Variants in POFUT3 observed in about 807,000 individuals in gnomAD.
The protein encoded by POFUT3 is GDP-fucose protein O-fucosyltransferase 3.
the POFUT3 span, among the ~76,000 whole-genome samples, chr8:33,455,231 C>T: frequency 6.6e-6 from 1 of 152,124 alleles, no homozygotes; most frequent in Admixed American, 6.6e-5. Context: ...CCACTTAGAA[C>T]CACATTTTTA....
the POFUT3 span, among the ~76,000 whole-genome samples, chr8:33,397,556 C>G: frequency 6.6e-6 from 1 of 152,288 alleles, no homozygotes; most frequent in Admixed American, 6.5e-5. Context: ...CTCAGGGAAA[C>G]AGGGGCTGAG....
the POFUT3 span, among the ~76,000 whole-genome samples, chr8:33,432,809 A>G: frequency 3.3e-5 from 5 of 152,342 alleles, no homozygotes; most frequent in Non-Finnish European, 5.9e-5. Context: ...CTAATTCCAC[A>G]TGCATTTTTT....
the POFUT3 span, among the ~76,000 whole-genome samples, chr8:33,343,014 G>A: frequency 4.0e-5 from 6 of 151,854 alleles, no homozygotes; most frequent in African/African-American, 1.5e-4. Flanking sequence ...GGCTGAGGCA[G>A]GAGAATCGCT....
At chr8:33,318,490 ACATATAT>A in the POFUT3 span, among the ~76,000 whole-genome samples, 1 of 125,868 alleles carries the variant, frequency 7.9e-6, no homozygotes. Context: ...TATATAATGT[ACATATAT>A]TATAATATAA....
chr8:33,446,420 G>A, the POFUT3 span, among the ~76,000 whole-genome samples: 2 of 149,188 alleles, frequency 1.3e-5, no homozygotes, highest in South Asian at 2.1e-4. Context: ...TCACACCACT[G>A]CACTCCAGCC....
At chr8:33,378,613 A>G in the POFUT3 span, among the ~76,000 whole-genome samples, 1 of 152,202 alleles carries the variant, frequency 6.6e-6, no homozygotes, top group Admixed American at 6.5e-5. Flanking sequence ...CTGCTAAGGA[A>G]TGAATAACAG....
the POFUT3 span, among the ~76,000 whole-genome samples, chr8:33,353,918 C>T: frequency 6.6e-6 from 1 of 152,282 alleles, no homozygotes; most frequent in South Asian, 2.1e-4. Flanking sequence ...TAGAAAGCCT[C>T]TTTTTCTGGA....
the POFUT3 span, among the ~76,000 whole-genome samples, chr8:33,369,063 G>A: frequency 2.6e-5 from 4 of 152,090 alleles, no homozygotes; most frequent in Non-Finnish European, 4.4e-5. Context: ...TATCATCAAC[G>A]ATTCCCTTTT....
At chr8:33,419,591 G>A in the POFUT3 span, among the ~76,000 whole-genome samples, 10 of 152,140 alleles carry the variant, frequency 6.6e-5, no homozygotes, top group South Asian at 2.1e-4. Flanking sequence ...AGGCCCTGAC[G>A]TTGGGAACCC....
chr8:33,432,268 GGCATGAT>G, the POFUT3 span, among the ~76,000 whole-genome samples: 2 of 151,978 alleles, frequency 1.3e-5, no homozygotes, highest in South Asian at 4.2e-4. Flanking sequence ...AAATTAGCCA[GGCATGAT>G]GGGCACCTGT....
At chr8:33,334,269 G>C in the POFUT3 span, among the ~76,000 whole-genome samples, 11 of 151,724 alleles carry the variant, frequency 7.3e-5, no homozygotes, top group Non-Finnish European at 1.5e-4. Flanking sequence ...CCAGGCTTGA[G>C]TACACTGGCA....
chr8:33,363,969 A>G, the POFUT3 span, among the ~76,000 whole-genome samples: 2 of 152,330 alleles, frequency 1.3e-5, no homozygotes, highest in South Asian at 2.1e-4. Flanking sequence ...CACAACAAAA[A>G]AAGAAAATTT....
chr8:33,447,224 A>T, the POFUT3 span, among the ~76,000 whole-genome samples: 2 of 151,870 alleles, frequency 1.3e-5, no homozygotes, highest in Admixed American at 6.6e-5. Context: ...CCGAGGTGGG[A>T]GGATCACGAG....
the POFUT3 span, among the ~76,000 whole-genome samples, chr8:33,309,700 G>A: frequency 6.6e-6 from 1 of 152,090 alleles, no homozygotes; most frequent in African/African-American, 2.4e-5. Context: ...TCAGTACTCA[G>A]TAAAAATAAA....
At chr8:33,405,001 A>G in the POFUT3 span, among the ~76,000 whole-genome samples, 2 of 152,116 alleles carry the variant, frequency 1.3e-5, no homozygotes, top group Non-Finnish European at 2.9e-5. Context: ...ATACTTTTGC[A>G]GGAAGAACTT....
chr8:33,351,079 C>T, the POFUT3 span, among the ~76,000 whole-genome samples: 4 of 152,076 alleles, frequency 2.6e-5, no homozygotes, highest in Admixed American at 1.3e-4. Flanking sequence ...CTCAGCCTCC[C>T]GAGTACCTGG....
chr8:33,372,776 T>C, the POFUT3 span: 13 of 1,614,004 alleles, frequency 8.1e-6, no homozygotes, highest in Non-Finnish European at 9.3e-6. Context: ...GTGGGTATCT[T>C]CTGCCTCCCA....
the POFUT3 span, chr8:33,394,332 T>C: frequency 6.3e-6 from 1 of 158,638 alleles, no homozygotes; most frequent in South Asian, 1.7e-4. Flanking sequence ...CCCTCAAACC[T>C]TCCCATCCAT....
chr8:33,378,638 G>A, the POFUT3 span, among the ~76,000 whole-genome samples: 1 of 152,110 alleles, frequency 6.6e-6, no homozygotes, highest in Non-Finnish European at 1.5e-5. Flanking sequence ...TTGCTGGTGG[G>A]GAGAAGCAAG....
Sources: allele counts gnomAD v4.1 joint callset (sites outside exome capture counted in the v4.1 genomes callset), GRCh38; gene constraint gnomAD v4.1.1; transcripts MANE v1.5; gene names NCBI Gene and HGNC (gene_info 2026-07-23, HGNC 2026-07-21).